Variants in STK32B observed in about 807,000 individuals in gnomAD.
STK32B encodes serine/threonine-protein kinase 32B.
Under a neutral mutation model 52.6 loss-of-function variants are expected in STK32B, and 43 were observed. That is an observed-to-expected ratio of 0.82 (90% CI 0.64 to 1.05). The LOEUF (loss-of-function observed/expected upper bound fraction) is 1.05, where lower values mean the gene tolerates loss of function less well. Among genes scored for constraint, STK32B ranks in the 50% least tolerant of loss-of-function variants. STK32B has a pLI of 0.00. For synonymous variants in STK32B, 238 were observed against 204.3 expected, an observed-to-expected ratio of 1.17 and a Z score of -1.41; for missense variants, 621 against 534.6, an observed-to-expected ratio of 1.16 and a Z score of -1.59.
At chr4:5,239,323 G>A (rs1724845448) in intron 3 of STK32B, among the ~76,000 whole-genome samples, 2 of 152,204 alleles carry the variant, frequency 1.3e-5, no homozygotes, top group Admixed American at 6.5e-5. Flanking sequence ...GGTTATCCCA[G>A]TGGAGGGATC....
chr4:5,364,365 GA>G (rs1253612438), intron 4 of STK32B, among the ~76,000 whole-genome samples: 14 of 152,360 alleles, frequency 9.2e-5, no homozygotes, highest in African/African-American at 3.4e-4. Context: ...GAAGGGGAAA[GA>G]GACAGATCCT....
intron 3 of STK32B, among the ~76,000 whole-genome samples, chr4:5,317,372 T>TAA (rs1731127096): frequency 4.3e-5 from 3 of 69,972 alleles, no homozygotes; most frequent in African/African-American, 1.9e-4. Flanking sequence ...TGTATATGTA[T>TAA]TATATATATT....
At chr4:5,275,592 T>C (rs1727760043) in intron 3 of STK32B, among the ~76,000 whole-genome samples, 1 of 151,898 alleles carries the variant, frequency 6.6e-6, no homozygotes, top group Non-Finnish European at 1.5e-5. Flanking sequence ...GTGCCTCAGA[T>C]CTTGGCTTTG....
intron 11 of STK32B, among the ~76,000 whole-genome samples, chr4:5,477,501 GGATCCCCA>G (rs1718333476): frequency 6.6e-6 from 1 of 152,048 alleles, no homozygotes; most frequent in African/African-American, 2.4e-5. Flanking sequence ...ACCAGCATCC[GGATCCCCA>G]GATCCCCTCT....
chr4:5,244,895 G>A (rs1725326451), intron 3 of STK32B, among the ~76,000 whole-genome samples: 2 of 152,222 alleles, frequency 1.3e-5, no homozygotes, highest in Admixed American at 1.3e-4. Context: ...TTTTGAGTGA[G>A]TTTCTGAATC....
chr4:5,469,969 CTG>C lies in STK32B; in HGVS notation c.1106+1906_1106+1907del, dbSNP rs1717728299. ...CTTGGGCTCAGGCAGCCTTCATTCTCTGTGTGTGGGCCGTGGAGTCCAATGAG... is the reference window on the plus strand; with the variant it reads ...CTTGGGCTCAGGCAGCCTTCATTCTCTGTGTGGGCCGTGGAGTCCAATGAG... On this transcript the variant is annotated intron_variant, in intron 11 of 11. Transcript: ENST00000282908. This position sits in a 1 kb window ranked among gnomAD's most constrained non-coding sequence, Gnocchi z 4.7. Among the ~76,000 whole-genome samples, 1 of 152,300 alleles carries C rather than the reference CTG, an allele frequency of 6.6e-6. No homozygotes were observed. Among genetic ancestry groups the C allele is most frequent in the Admixed American group, 6.5e-5 (1 of 15,306 alleles).
chr4:5,341,719 C>A (rs1733093018), intron 4 of STK32B, among the ~76,000 whole-genome samples: 1 of 152,106 alleles, frequency 6.6e-6, no homozygotes, highest in African/African-American at 2.4e-5. Context: ...GCACGGGAAG[C>A]ATGCTGCTGG....
chr4:5,320,548 G>A (rs1731419859), intron 3 of STK32B, among the ~76,000 whole-genome samples: 1 of 152,124 alleles, frequency 6.6e-6, no homozygotes, highest in South Asian at 2.1e-4. Context: ...TTAACAATGT[G>A]ATATCAGGTC....
At position 5,460,134 on chromosome 4, in the gene STK32B, C is replaced by T; in HGVS notation, c.815C>T (p.Ser272Phe). Residue 272 changes from serine (S) to phenylalanine (F), a missense_variant, in exon 9 of 12, where the codon TCC (serine) becomes TTC (phenylalanine). Physicochemically the swap from Ser to Phe is radical, Grantham distance 155. Coordinates refer to ENST00000282908, the MANE Select transcript of STK32B (RefSeq NM_018401.3). The surrounding 1 kb of genome is among the most constrained non-coding windows in gnomAD (Gnocchi z 4.8). ...ACCAAGGATCCTGAGAGCCGCGTGT[C>T]CAGCCTTCATGACATACAGAGCGTG... ...LLTKDPESRV[S>F]SLHDIQSVPY... 2 of 1,614,236 alleles carry T rather than the reference C, an allele frequency of 1.2e-6. No homozygotes were observed. The highest frequency in any genetic ancestry group is 1.1e-5 in the South Asian group (1 of 91,082).
At chr4:5,207,266 T>G (rs1722629634) in intron 3 of STK32B, among the ~76,000 whole-genome samples, 1 of 152,220 alleles carries the variant, frequency 6.6e-6, no homozygotes, top group Non-Finnish European at 1.5e-5. Flanking sequence ...TCTTGAATTT[T>G]AGCTCCCATA....
At chr4:5,491,557 T>G (rs576143472) in intron 11 of STK32B, among the ~76,000 whole-genome samples, 2 of 152,014 alleles carry the variant, frequency 1.3e-5, no homozygotes, top group African/African-American at 4.8e-5. Flanking sequence ...TAGTTTCTTT[T>G]GCTGTGCAGA....
At chr4:5,160,952 C>G (rs779050896) in intron 2 of STK32B, among the ~76,000 whole-genome samples, 3 of 152,158 alleles carry the variant, frequency 2.0e-5, no homozygotes, top group Non-Finnish European at 2.9e-5. Flanking sequence ...TGCCTGAGAA[C>G]AGCATGGCAG....
intron 7 of STK32B, among the ~76,000 whole-genome samples, chr4:5,451,981 C>G (rs1435132746): frequency 1.3e-5 from 2 of 152,178 alleles, no homozygotes; most frequent in Non-Finnish European, 2.9e-5. Context: ...AAGCCTGCAT[C>G]CTTCCCACTT....
Position 5,335,533 on chromosome 4 carries a change from G to T in STK32B, c.434+4140G>T, listed in dbSNP as rs188739047. On this transcript the variant is annotated intron_variant, in intron 4 of 11. Transcript: ENST00000282908. ...TGCCTTCTGCTAGCTTTTGAATGTG[G>T]TTGCTCTTGCTTTTTTAGTTCTTTA... is the stretch of plus-strand genomic sequence containing the variant. Among the ~76,000 whole-genome samples the T allele has an allele frequency of 8.7e-3, 1,321 of 151,750 alleles. 18 individuals carry two copies. The highest frequency in any genetic ancestry group is 0.03 in the African/African-American group (1,241 of 41,248).
At chr4:5,073,394 A>T (rs115533925) in intron 1 of STK32B, among the ~76,000 whole-genome samples, 1,942 of 152,076 alleles carry the variant, frequency 0.013, 22 homozygotes, top group Non-Finnish European at 0.021. Context: ...AAGTTTAAAA[A>T]CTTATAATAG....
chr4:5,190,358 T>A (rs1302264423), intron 3 of STK32B, among the ~76,000 whole-genome samples: 1 of 152,142 alleles, frequency 6.6e-6, no homozygotes, highest in African/African-American at 2.4e-5. Context: ...CAGACCCCTG[T>A]TAGGCTGGAA....
chr4:5,111,380 T>A (rs1257152108), intron 1 of STK32B, among the ~76,000 whole-genome samples: 2 of 152,128 alleles, frequency 1.3e-5, no homozygotes, highest in African/African-American at 4.8e-5. Context: ...CATCAGCAGT[T>A]AATCAGATAA....
chr4:5,445,433 A>G (rs1355115544), intron 6 of STK32B, among the ~76,000 whole-genome samples: 2 of 152,152 alleles, frequency 1.3e-5, no homozygotes, highest in Non-Finnish European at 2.9e-5. Context: ...AATTTACTAG[A>G]AATAATGAAC....
At chr4:5,374,720 T>C (rs1251251638) in intron 4 of STK32B, among the ~76,000 whole-genome samples, 2 of 142,992 alleles carry the variant, frequency 1.4e-5, no homozygotes, top group African/African-American at 5.3e-5. Flanking sequence ...TCCTAAAGGT[T>C]CCACCTCTTA....
Sources: allele counts gnomAD v4.1 joint callset (sites outside exome capture counted in the v4.1 genomes callset), GRCh38; gene constraint gnomAD v4.1.1; non-coding constraint Gnocchi (gnomAD v3.1); transcripts MANE v1.5; gene names NCBI Gene and HGNC (gene_info 2026-07-23, HGNC 2026-07-21).